Variants in RASA3 observed in about 807,000 individuals in gnomAD.
The protein encoded by RASA3 is ras GTPase-activating protein 3.
RASA3 carries 73 observed loss-of-function variants against 110.0 expected under a neutral mutation model. The observed-to-expected ratio is 0.66, with a 90% CI of 0.55 to 0.81. RASA3 has a LOEUF of 0.81. Among genes scored for constraint, RASA3 ranks in the 30% least tolerant of loss-of-function variants. The probability of loss-of-function intolerance (pLI) is 0.00; values close to 1 mark genes in which losing one functional copy is unlikely to be tolerated. For synonymous variants in RASA3, 500 were observed against 451.4 expected, an observed-to-expected ratio of 1.11 and a Z score of -1.37; for missense variants, 976 against 1,113.2, an observed-to-expected ratio of 0.88 and a Z score of 1.75.
At chr13:114,027,576 T>C (rs531607014) in intron 6 of RASA3, 115 bp from the exon 7 acceptor site, 20 of 845,820 alleles carry the variant, frequency 2.4e-5, no homozygotes, top group Middle Eastern at 2.3e-4. Flanking sequence ...ATTTATTTTA[T>C]AAATATTTCT....
chr13:113,995,989 C>T (rs1344352365), intron 21 of RASA3, among the ~76,000 whole-genome samples: 1 of 105,144 alleles, frequency 9.5e-6, no homozygotes. Flanking sequence ...GATGGGGAGG[C>T]CCGGCTGATG....
At chr13:114,068,338 G>A (rs1428352676) in intron 2 of RASA3, among the ~76,000 whole-genome samples, 3 of 152,268 alleles carry the variant, frequency 2.0e-5, no homozygotes, top group East Asian at 3.8e-4. Context: ...GACTGTCTGC[G>A]TGGATGAGGG....
chr13:114,047,858 A>G (rs933745679), intron 3 of RASA3, among the ~76,000 whole-genome samples: 6 of 152,238 alleles, frequency 3.9e-5, no homozygotes, highest in Admixed American at 6.5e-5. Context: ...GCTGTGGGCC[A>G]GGGTAGGAAA....
chr13:114,074,117 T>C (rs1003517354), intron 1 of RASA3, among the ~76,000 whole-genome samples: 2 of 152,222 alleles, frequency 1.3e-5, no homozygotes, highest in Admixed American at 6.5e-5. Flanking sequence ...TTAGTCCCTT[T>C]ATTTTAATTT....
At chr13:114,071,693 C>T (rs1408157707) in intron 2 of RASA3, among the ~76,000 whole-genome samples, 1 of 152,168 alleles carries the variant, frequency 6.6e-6, no homozygotes, top group Non-Finnish European at 1.5e-5. Context: ...GAACCCGGAG[C>T]GTGCATTAAC....
In RASA3 at chr13:114,009,419, T is replaced by G; in HGVS notation, c.1636A>C (p.Asn546His). 6.2e-7 allele frequency: 1 copy of G among 1,612,562 alleles called. No homozygotes were observed. The highest frequency in any genetic ancestry group is 8.5e-7 in the Non-Finnish European group (1 of 1,179,656). ...SYMATFYEFF[N>H]EQKYADAVKN... Reference sequence around the variant, plus strand: ...ACCGCATCAGCATATTTCTGCTCATTGAAGAATTCATAAAATGTAGCCATG... The same window carrying G: ...ACCGCATCAGCATATTTCTGCTCATGGAAGAATTCATAAAATGTAGCCATG... Residue 546 changes from asparagine to histidine, a missense_variant, in exon 17 of 24, where the codon AAT (asparagine) becomes CAT (histidine). Transcript: ENST00000334062.
At position 114,014,577 on chromosome 13, in the gene RASA3, G is replaced by T. The variant is rs1258110611; in HGVS notation, c.1405+632C>A. Among the ~76,000 whole-genome samples, 4 of 152,202 alleles carry T rather than the reference G, an allele frequency of 2.6e-5. No homozygotes were observed. In the East Asian group the frequency reaches 7.7e-4, roughly 29 times the overall value. ...CCATACATAGCCTGAGTCCTGGCGGGGTCTTGAGTATCGCAGGTGATGGGT... is the reference window on the plus strand; with the variant it reads ...CCATACATAGCCTGAGTCCTGGCGGTGTCTTGAGTATCGCAGGTGATGGGT... On this transcript the variant is annotated intron_variant, in intron 14 of 23. Coordinates refer to ENST00000334062, the MANE Select transcript of RASA3 (RefSeq NM_007368.4). The surrounding 1 kb of genome is among the most constrained non-coding windows in gnomAD (Gnocchi z 4.5).
intron 1 of RASA3, 28 bp downstream of exon 1, chr13:114,132,407 G>T (rs1238390439): frequency 1.3e-6 from 2 of 1,504,854 alleles, no homozygotes; most frequent in Admixed American, 4.2e-5. Context: ...CCGGGGGGTC[G>T]GACGCGTGGC....
At position 114,005,093 on chromosome 13, in the gene RASA3, G is replaced by A. The variant is rs1239448690; in HGVS notation, c.1742+2440C>T. On this transcript the variant is annotated intron_variant, in intron 18 of 23. Transcript: ENST00000334062. ...GGAGGGGCGGGGCGCTCTGGGACAC[G>A]TATTCGGAATCACAGACTGAGGCCT... Among the ~76,000 whole-genome samples the A allele has an allele frequency of 3.3e-5, 5 of 152,318 alleles. No homozygotes were observed. The South Asian group carries it at 8.3e-4, about 25-fold the overall frequency.
At chr13:114,012,483 A>C (rs1231716666) in intron 15 of RASA3, among the ~76,000 whole-genome samples, 40 of 108,308 alleles carry the variant, frequency 3.7e-4, no homozygotes, top group East Asian at 1.1e-3. Flanking sequence ...CCCCATTCCA[A>C]ACGCACTCCC....
At position 114,027,863 on chromosome 13, in the gene RASA3, G is replaced by C; in HGVS notation, c.514C>G (p.Leu172Val). The C allele has an allele frequency of 6.2e-7, 1 of 1,613,974 alleles. No individual in the cohort carries two copies. Among genetic ancestry groups the C allele is most frequent in the East Asian group, 2.2e-5 (1 of 44,882 alleles). Reference protein sequence around the residue: ...GQCDPYATVTLAGPFRSEAKK... With the variant: ...GQCDPYATVTVAGPFRSEAKK... Reference sequence around the variant, plus strand: ...GCAACTTGCCTGAAGGGTCCTGCCAGCGTCACGGTGGCGTAGGGGTCACAT... The same window carrying C: ...GCAACTTGCCTGAAGGGTCCTGCCACCGTCACGGTGGCGTAGGGGTCACAT... Residue 172 changes from leucine to valine, a missense_variant, in exon 6 of 24, where the codon CTG (leucine) becomes GTG (valine). This residue lies in a region of RASA3 where 732 missense variants were observed against 779.7 expected (regional missense o/e 0.94). Coordinates refer to ENST00000334062, the MANE Select transcript of RASA3 (RefSeq NM_007368.4).
chr13:114,030,893 G>A (rs902275313), intron 4 of RASA3, among the ~76,000 whole-genome samples: 4 of 151,802 alleles, frequency 2.6e-5, no homozygotes, highest in Non-Finnish European at 4.4e-5. Flanking sequence ...GCGTGCAACT[G>A]TGTGTGTCTA....
At position 114,035,152 on chromosome 13, in the gene RASA3, C is replaced by T. The variant is rs376106090; in HGVS notation, c.373-5265G>A. ...GAGCCCAAGAACAGAAAACAGAAGTCAGATCGGAAACCAATAGGTAAAAAT... is the reference window on the plus strand; with the variant it reads ...GAGCCCAAGAACAGAAAACAGAAGTTAGATCGGAAACCAATAGGTAAAAAT... On this transcript the variant is annotated intron_variant, in intron 4 of 23. Transcript: ENST00000334062. Among the ~76,000 whole-genome samples the T allele has an allele frequency of 2.0e-5, 3 of 152,228 alleles. No homozygotes were observed. The East Asian group carries it at 5.8e-4, about 29-fold the overall frequency.
Position 114,067,805 on chromosome 13 carries a change from GTCC to G in RASA3, c.173+5912_173+5914del, listed in dbSNP as rs374730895. The stretch of plus-strand genomic sequence containing the variant: ...GTGAGGGTCCCTGGTGATGTCTGAT[GTCC>G]TCGTCTGCCTGGGAAGACCCAGCTC... On this transcript the variant is annotated intron_variant, in intron 2 of 23. Transcript: ENST00000334062. Among the ~76,000 whole-genome samples, 448 of 152,200 alleles carry G rather than the reference GTCC, an allele frequency of 2.9e-3. 2 individuals carry two copies. The highest frequency in any genetic ancestry group is 4.4e-3 in the Admixed American group (68 of 15,282).
intron 2 of RASA3, among the ~76,000 whole-genome samples, chr13:114,059,705 C>A (rs372903269): frequency 2.6e-5 from 4 of 152,254 alleles, no homozygotes; most frequent in East Asian, 1.9e-4. Flanking sequence ...CACAGTGAGA[C>A]AAGCACATGG....
rs1000681215 is a variant in RASA3, at chr13:114,013,054, C to T, written c.1512+88G>A. ...CCACGCATTCCACACTCCACACGGT[C>T]GGCCCCCTACAGCCACGCAGATGCC... On this transcript the variant is annotated intron_variant, in intron 15 of 23. Coordinates refer to ENST00000334062, the MANE Select transcript of RASA3 (RefSeq NM_007368.4). 76 of 1,074,170 alleles carry T rather than the reference C, an allele frequency of 7.1e-5. 1 individual carries two copies. The highest frequency in any genetic ancestry group is 2.9e-4 in the Middle Eastern group (1 of 3,426). The allele number at this position is 1,074,170 out of a possible 1,614,324, so 66.5% of individuals were successfully genotyped here.
intron 1 of RASA3, among the ~76,000 whole-genome samples, chr13:114,082,923 T>G (rs1245923309): frequency 6.6e-6 from 1 of 152,220 alleles, no homozygotes; most frequent in Admixed American, 6.5e-5. Context: ...ACAGAGCTAA[T>G]TGATTCTCAC....
intron 22 of RASA3, among the ~76,000 whole-genome samples, chr13:113,991,050 C>CAT (rs2139083848): frequency 1.4e-5 from 2 of 138,712 alleles, no homozygotes; most frequent in Admixed American, 1.4e-4. Context: ...GGCAGCTGTG[C>CAT]GGACACCCAG....
At chr13:114,045,503 G>GCCC (rs1458758710) in intron 3 of RASA3, among the ~76,000 whole-genome samples, 1 of 152,208 alleles carries the variant, frequency 6.6e-6, no homozygotes, top group Non-Finnish European at 1.5e-5. Context: ...GCCCGAGACA[G>GCCC]GGAATGCGGC....
Sources: allele counts gnomAD v4.1 joint callset (sites outside exome capture counted in the v4.1 genomes callset), GRCh38; gene constraint gnomAD v4.1.1; regional missense constraint gnomAD v4.1.1; non-coding constraint Gnocchi (gnomAD v3.1); transcripts MANE v1.5; gene names NCBI Gene and HGNC (gene_info 2026-07-23, HGNC 2026-07-21).